The following SUCO variants were observed in gnomAD, a reference collection of about 807,000 sequenced individuals.
SUCO encodes SUN domain containing ossification factor, also known as SUN domain-containing ossification factor.
SUCO carries 57 observed loss-of-function variants against 148.1 expected under a neutral mutation model. That is an observed-to-expected ratio of 0.38 (90% CI 0.31 to 0.48). The LOEUF is 0.48. Among genes scored for constraint, SUCO ranks in the 20% least tolerant of loss-of-function variants. The pLI, the probability that SUCO is intolerant of heterozygous loss-of-function variation, is 0.96. For missense variants in SUCO, 1,331 were observed against 1,468.2 expected (o/e 0.91, Z 1.53); for synonymous variants, 470 against 502.7 (o/e 0.93, Z 0.87).
intron 19 of SUCO, among the ~76,000 whole-genome samples, chr1:172,593,563 A>G (rs1656836247): frequency 6.6e-6 from 1 of 152,180 alleles, no homozygotes; most frequent in Non-Finnish European, 1.5e-5. Flanking sequence ...TTCTGTTTAT[A>G]TGATGGATTA....
At chr1:172,567,592 T>G (rs913991315) in intron 6 of SUCO, among the ~76,000 whole-genome samples, 2 of 152,200 alleles carry the variant, frequency 1.3e-5, no homozygotes, top group Non-Finnish European at 2.9e-5. Context: ...CTGCTCTGTT[T>G]ATAGTGACTA....
intron 6 of SUCO, among the ~76,000 whole-genome samples, chr1:172,562,874 G>A (rs137937740): frequency 6.6e-6 from 1 of 152,264 alleles, no homozygotes; most frequent in African/African-American, 2.4e-5. Context: ...GATGGGAGGT[G>A]ATTGAATTGT....
Position 172,533,189 on chromosome 1 carries a change from G to A in SUCO, c.-247G>A, listed in dbSNP as rs1334375559. 2.0e-6 allele frequency: 3 copies of A among 1,498,236 alleles called. No homozygotes were observed. Among genetic ancestry groups the A allele is most frequent in the African/African-American group, 2.8e-5 (2 of 71,314 alleles). The allele number at this position is 1,498,236 out of a possible 1,614,324, so 92.8% of individuals were successfully genotyped here. On this transcript the variant is annotated 5_prime_UTR_variant, in exon 1 of 24. Coordinates refer to ENST00000263688, the MANE Select transcript of SUCO (RefSeq NM_014283.5). ...GCGGCTGCAGGAGGCGGGCGTGGAC[G>A]AGCCGGTGGCTGCAGCGGCGGCGGT...
rs1656459566 is a variant in SUCO at position 172,589,308 on chromosome 1, A to T, written c.2207A>T (p.Asp736Val). The T allele has an allele frequency of 1.2e-6, 2 of 1,613,354 alleles. No homozygotes were observed. Among genetic ancestry groups the T allele is most frequent in the Non-Finnish European group, 1.7e-6 (2 of 1,179,758 alleles). The change falls in exon 18 of 24, where the codon GAT (aspartate) becomes GTT (valine). Residue 736 changes from aspartate to valine, a missense_variant. Asp to Val is a radical substitution (Grantham distance 152, BLOSUM62 -3). Around this residue, in one of 3 missense-constraint regions of SUCO, gnomAD observed 992 missense variants for 1,093.5 expected, o/e 0.91. Coordinates refer to ENST00000263688, the MANE Select transcript of SUCO (RefSeq NM_014283.5). ...SQTLSQSLLL[D>V]ITPEINPLPK... ...ACTCTTTCTCAGTCTCTTCTTTTAG[A>T]TATTACCCCAGAAATCAATCCCTTG...
intron 19 of SUCO, among the ~76,000 whole-genome samples, chr1:172,594,458 C>T (rs1656930712): frequency 6.6e-6 from 1 of 152,018 alleles, no homozygotes; most frequent in Non-Finnish European, 1.5e-5. Flanking sequence ...TAAATGTGTC[C>T]CAGAGATTCT....
At chr1:172,609,253 G>A (rs1658059238) in intron 23 of SUCO, 1 of 984,286 alleles carries the variant, frequency 1.0e-6, no homozygotes, top group Non-Finnish European at 1.2e-6. Flanking sequence ...AACTCAGAAT[G>A]TACTTAGGAT....
At chr1:172,573,646 T>C (rs548962274) in intron 9 of SUCO, among the ~76,000 whole-genome samples, 1 of 151,672 alleles carries the variant, frequency 6.6e-6, no homozygotes, top group Non-Finnish European at 1.5e-5. Flanking sequence ...AAGGAATTTT[T>C]AAAAAAAAAT....
Position 172,551,617 on chromosome 1 carries a change from C to T in SUCO, c.168C>T (p.Phe56=), listed in dbSNP as rs969129718. ...CACTAGAAAATGAAGATGTACAATT[C>T]CAGAAAAAGGTGCCTTAAATAAAGT... ...NCALENEDVQ[F]QKKDEREGPI... Residue 56 remains phenylalanine, a synonymous_variant, in exon 2 of 24, where the codon TTC becomes TTT. Coordinates refer to ENST00000263688, the MANE Select transcript of SUCO (RefSeq NM_014283.5). 1 of 1,596,720 alleles carries T rather than the reference C, an allele frequency of 6.3e-7. No homozygotes were observed. The highest frequency in any genetic ancestry group is 1.4e-5 in the African/African-American group (1 of 74,070).
At position 172,570,703 on chromosome 1, in the gene SUCO, T is replaced by A; in HGVS notation, c.1022T>A (p.Met341Lys). The A allele has an allele frequency of 6.2e-7, 1 of 1,608,352 alleles. No individual in the cohort carries two copies. The change falls in exon 9 of 24, where the codon ATG becomes AAG. Residue 341 changes from methionine to lysine, a missense_variant. By Grantham distance (95) the Met-to-Lys change is moderately conservative. Transcript: ENST00000263688. ...CTTATAGAAAATATGGATCTTTACA[T>A]GTTGAATCCTTGCAGCACTAAAATT... ...AILIENMDLY[M>K]LNPCSTKIWF... is the part of the protein sequence containing the mutation.
chr1:172,609,666 A>C, intron 23 of SUCO, 150 bp from the exon 24 acceptor site: 1 of 1,444,590 alleles, frequency 6.9e-7, no homozygotes, highest in Middle Eastern at 2.3e-4. Flanking sequence ...TCTATATAGA[A>C]CATAACAATG....
intron 3 of SUCO, among the ~76,000 whole-genome samples, chr1:172,553,778 A>G (rs2149229915): frequency 1.3e-5 from 2 of 152,294 alleles, no homozygotes; most frequent in South Asian, 4.1e-4. Flanking sequence ...GGGTATGAAT[A>G]GATAATAGAT....
chr1:172,585,100 T>G lies in SUCO; in HGVS notation c.1567+14T>G. Reference sequence around the variant, plus strand: ...ACCTGACAGAAGGTACCTAATCATTTTATGGGTCTTTTAAATAGCTGGTAC... The same window carrying G: ...ACCTGACAGAAGGTACCTAATCATTGTATGGGTCTTTTAAATAGCTGGTAC... On this transcript the variant is annotated intron_variant, in intron 16 of 23. Transcript: ENST00000263688. 6.3e-7 allele frequency: 1 copy of G among 1,579,086 alleles called. No individual in the cohort carries two copies. Among genetic ancestry groups the G allele is most frequent in the African/African-American group, 1.4e-5 (1 of 74,040 alleles).
At position 172,600,677 on chromosome 1, in the gene SUCO, G is replaced by A. The variant is rs372382089; in HGVS notation, c.3018+509G>A. ...AGATGATAATTTCTCCTAGTGATAC[G>A]TACTATGAAGAAAATTAAATGTGTG... On this transcript the variant is annotated intron_variant, in intron 20 of 23. Transcript: ENST00000263688. 2.7e-4 allele frequency among the ~76,000 whole-genome samples: 39 copies of A among 145,280 alleles called. No homozygotes were observed. In the South Asian group the frequency reaches 8.1e-3, roughly 30 times the overall value.
intron 8 of SUCO, 47 bp from the exon 9 acceptor site, chr1:172,570,616 T>C (rs1654887334): frequency 1.6e-6 from 2 of 1,262,600 alleles, no homozygotes; most frequent in East Asian, 2.3e-5. Flanking sequence ...AAATACTTTC[T>C]TCATTATTCC....
Position 172,572,696 on chromosome 1 carries a change from T to TAA in SUCO, c.1050-1166_1050-1165dup, listed in dbSNP as rs61248782. On this transcript the variant is annotated intron_variant, in intron 9 of 23. Coordinates refer to ENST00000263688, the MANE Select transcript of SUCO (RefSeq NM_014283.5). ...GTGAGAAACACCCAAGAATGATCAATAAAAAAAAAAAAAAAAAAAAAAAAA... is the reference window on the plus strand; with the variant it reads ...GTGAGAAACACCCAAGAATGATCAATAAAAAAAAAAAAAAAAAAAAAAAAAAA... Among the ~76,000 whole-genome samples, 61 of 49,594 alleles carry TAA rather than the reference T, an allele frequency of 1.2e-3. 1 individual carries two copies. The highest frequency in any genetic ancestry group is 1.9e-3 in the East Asian group (2 of 1,080). 32.5% of individuals were successfully genotyped at this position (49,594 alleles called of 152,430 possible).
At chr1:172,556,876 A>G (rs1404721465) in intron 4 of SUCO, 1 of 888,028 alleles carries the variant, frequency 1.1e-6, no homozygotes, top group Non-Finnish European at 1.3e-6. Flanking sequence ...AGGCAGGGAA[A>G]AATAGGAAGG....
At chr1:172,607,181 A>G (rs1206048690) in intron 22 of SUCO, among the ~76,000 whole-genome samples, 1 of 151,802 alleles carries the variant, frequency 6.6e-6, no homozygotes, top group African/African-American at 2.4e-5. Flanking sequence ...GTAAGCTCTT[A>G]CTCAGGGTAT....
rs201134091 is a variant in SUCO at position 172,594,241 on chromosome 1, A to AT, written c.2913+3182dup. On this transcript the variant is annotated intron_variant, in intron 19 of 23. Coordinates refer to ENST00000263688, the MANE Select transcript of SUCO (RefSeq NM_014283.5). ...AAAAAACCAGCTCCTGAATTTATTG[A>AT]TTTTTTTTTTTTGAAGGGTTTTTTG... Among the ~76,000 whole-genome samples the AT allele has an allele frequency of 2.9e-3, 416 of 145,008 alleles. 4 individuals carry two copies. The highest frequency in any genetic ancestry group is 0.012 in the South Asian group (54 of 4,646).
intron 1 of SUCO, chr1:172,543,093 A>G: frequency 1.2e-6 from 1 of 809,030 alleles, no homozygotes; most frequent in Non-Finnish European, 1.5e-6. Context: ...GCTGCAACCC[A>G]TTTTACACAG....
Sources: allele counts gnomAD v4.1 joint callset (sites outside exome capture counted in the v4.1 genomes callset), GRCh38; gene constraint gnomAD v4.1.1; regional missense constraint gnomAD v4.1.1; transcripts MANE v1.5; gene names NCBI Gene and HGNC (gene_info 2026-07-23, HGNC 2026-07-21).